Variants in GRIN2A observed in about 807,000 individuals in gnomAD.
GRIN2A encodes glutamate ionotropic receptor NMDA type subunit 2A.
In GRIN2A, 22 loss-of-function variants were observed where a neutral mutation model predicts 113.4. The ratio of observed to expected loss-of-function variants is 0.19; its 90% CI spans 0.14 to 0.28. The LOEUF (loss-of-function observed/expected upper bound fraction) is 0.28, where lower values mean the gene tolerates loss of function less well. Among genes scored for constraint, GRIN2A ranks in the 10% least tolerant of loss-of-function variants. The pLI, the probability that GRIN2A is intolerant of heterozygous loss-of-function variation, is 1.00. For synonymous variants in GRIN2A, 827 were observed against 738.4 expected (o/e 1.12, Z -1.94); for missense variants, 1,502 against 1,887.0 (o/e 0.80, Z 3.78).
In GRIN2A at chr16:10,180,187, G is replaced by A. The variant is rs527686036; in HGVS notation, c.225C>T (p.Asn75=). 999 of 1,614,190 alleles carry A rather than the reference G, an allele frequency of 6.2e-4. 16 individuals are homozygous for A. The South Asian group carries it at 0.011, about 17-fold the overall frequency. The change falls in exon 2 of 13, where the codon AAC becomes AAT. Residue 75 remains asparagine, a synonymous_variant. Transcript: ENST00000330684. The surrounding 1 kb of genome is among the most constrained non-coding windows in gnomAD (Gnocchi z 7.0). ...LDVNVVALLM[N]RTDPKSLITH... is the part of the protein sequence containing the mutation. Reference sequence around the variant, plus strand: ...TGATGAGGCTCTTGGGGTCGGTGCGGTTCATCAGCAGAGCTACCACGTTCA... The same window carrying A: ...TGATGAGGCTCTTGGGGTCGGTGCGATTCATCAGCAGAGCTACCACGTTCA...
At chr16:9,879,491 T>A (rs146648147) in intron 4 of GRIN2A, among the ~76,000 whole-genome samples, 1 of 152,190 alleles carries the variant, frequency 6.6e-6, no homozygotes, top group East Asian at 1.9e-4. Flanking sequence ...TGGCTTTCAG[T>A]TCTGTTTCTG....
At chr16:10,061,056 A>G (rs1182641500) in intron 2 of GRIN2A, among the ~76,000 whole-genome samples, 4 of 152,212 alleles carry the variant, frequency 2.6e-5, no homozygotes, top group Non-Finnish European at 4.4e-5. Flanking sequence ...GAGATGACCA[A>G]CAATAGACTG....
At chr16:10,050,741 G>A (rs1206975070) in intron 2 of GRIN2A, among the ~76,000 whole-genome samples, 1 of 152,118 alleles carries the variant, frequency 6.6e-6, no homozygotes, top group African/African-American at 2.4e-5. Flanking sequence ...ACCCCGGTCT[G>A]TGGAAAAACT....
chr16:10,056,015 A>G (rs1275981973), intron 2 of GRIN2A, among the ~76,000 whole-genome samples: 7 of 151,934 alleles, frequency 4.6e-5, no homozygotes, highest in Non-Finnish European at 1.5e-5. Flanking sequence ...AAATGAATTC[A>G]CACATACACT....
intron 2 of GRIN2A, among the ~76,000 whole-genome samples, chr16:10,035,064 C>T (rs868737245): frequency 1.4e-5 from 2 of 144,738 alleles, no homozygotes; most frequent in African/African-American, 5.1e-5. Flanking sequence ...CTCGTTCTGT[C>T]ACCCAGGCTG....
chr16:10,166,583 C>T (rs772992613), intron 2 of GRIN2A, among the ~76,000 whole-genome samples: 6 of 152,278 alleles, frequency 3.9e-5, no homozygotes, highest in Admixed American at 6.5e-5. Flanking sequence ...CCCATGGTCC[C>T]GTGAATACAA....
At chr16:9,987,033 C>G (rs62033367) in intron 2 of GRIN2A, among the ~76,000 whole-genome samples, 2 of 152,106 alleles carry the variant, frequency 1.3e-5, no homozygotes, top group Non-Finnish European at 2.9e-5. Flanking sequence ...TATTCTGAAC[C>G]AGCATACTTG....
At chr16:10,112,835 C>A (rs376142102) in intron 2 of GRIN2A, 2 of 606,750 alleles carry the variant, frequency 3.3e-6, no homozygotes, top group East Asian at 3.6e-5. Context: ...CAGCCCAGAT[C>A]GAGGGTGGCG....
chr16:9,988,263 A>G (rs1353220638), intron 2 of GRIN2A, among the ~76,000 whole-genome samples: 1 of 110,318 alleles, frequency 9.1e-6, no homozygotes, highest in East Asian at 2.4e-4. Flanking sequence ...AAAGAGATCC[A>G]TAGGGGTGTG....
intron 11 of GRIN2A, among the ~76,000 whole-genome samples, chr16:9,786,139 C>T (rs1032086373): frequency 6.6e-6 from 1 of 152,204 alleles, no homozygotes; most frequent in African/African-American, 2.4e-5. Flanking sequence ...GGAACAATAA[C>T]TTTCTGAAAT....
At chr16:9,807,480 G>C (rs2042006289) in intron 10 of GRIN2A, among the ~76,000 whole-genome samples, 1 of 151,944 alleles carries the variant, frequency 6.6e-6, no homozygotes, top group Non-Finnish European at 1.5e-5. Context: ...CCCAAGAGAT[G>C]AATGTACCCA....
At chr16:10,029,902 C>A (rs558375972) in intron 2 of GRIN2A, among the ~76,000 whole-genome samples, 29 of 152,250 alleles carry the variant, frequency 1.9e-4, no homozygotes, top group African/African-American at 7.0e-4. Flanking sequence ...GAGGCTGAGA[C>A]AGGAGAATTG....
chr16:9,907,216 G>C (rs1341569144), intron 3 of GRIN2A, among the ~76,000 whole-genome samples: 2 of 152,184 alleles, frequency 1.3e-5, no homozygotes, highest in African/African-American at 4.8e-5. Context: ...ACAGGTTTTT[G>C]TGTGACCATA....
intron 2 of GRIN2A, among the ~76,000 whole-genome samples, chr16:10,113,424 C>T (rs1269317789): frequency 4.6e-5 from 7 of 152,312 alleles, no homozygotes; most frequent in South Asian, 2.1e-4. Flanking sequence ...TCCCTGGCCC[C>T]GGGGAGGAGG....
chr16:9,956,617 C>T (rs2045317298), intron 2 of GRIN2A, among the ~76,000 whole-genome samples: 1 of 152,160 alleles, frequency 6.6e-6, no homozygotes, highest in Non-Finnish European at 1.5e-5. Flanking sequence ...GCCATGAAAC[C>T]TGCGCTCAAA....
chr16:9,947,054 T>G (rs2045036557), intron 2 of GRIN2A, among the ~76,000 whole-genome samples: 1 of 152,224 alleles, frequency 6.6e-6, no homozygotes, highest in Non-Finnish European at 1.5e-5. Context: ...TAATGTAACA[T>G]GTTTAACTCA....
At chr16:9,986,733 C>A (rs779367689) in intron 2 of GRIN2A, among the ~76,000 whole-genome samples, 1 of 147,152 alleles carries the variant, frequency 6.8e-6, no homozygotes, top group Non-Finnish European at 1.5e-5. Context: ...CCATTGCACT[C>A]CAACCCAGGC....
intron 2 of GRIN2A, among the ~76,000 whole-genome samples, chr16:10,082,695 T>C (rs1013290327): frequency 1.3e-5 from 2 of 152,138 alleles, no homozygotes; most frequent in African/African-American, 2.4e-5. Context: ...CCTCTTTGAG[T>C]GGCCTCCTCA....
intron 2 of GRIN2A, among the ~76,000 whole-genome samples, chr16:10,154,207 G>T (rs1345423): frequency 0.59 from 89,226 of 151,890 alleles, 26,906 homozygotes; most frequent in East Asian, 0.92. Flanking sequence ...CTCCATCTGG[G>T]CCCACAAGTG....
Sources: allele counts gnomAD v4.1 joint callset (sites outside exome capture counted in the v4.1 genomes callset), GRCh38; gene constraint gnomAD v4.1.1; non-coding constraint Gnocchi (gnomAD v3.1); transcripts MANE v1.5; gene names NCBI Gene and HGNC (gene_info 2026-07-23, HGNC 2026-07-21).